Variants in SGCZ observed in about 807,000 individuals in gnomAD.
SGCZ encodes zeta-sarcoglycan.
SGCZ carries 40 observed loss-of-function variants against 41.3 expected under a neutral mutation model. That is an observed-to-expected ratio of 0.97 (90% confidence interval 0.75 to 1.26). The LOEUF is 1.26. Among genes scored for constraint, SGCZ ranks in the 50% most tolerant of loss-of-function variants. The pLI, the probability that SGCZ is intolerant of heterozygous loss-of-function variation, is 0.00. For missense variants in SGCZ, 552 were observed against 369.8 expected, an observed-to-expected ratio of 1.49 and a Z score of -4.04; for synonymous variants, 206 against 137.5, an observed-to-expected ratio of 1.50 and a Z score of -3.49.
chr8:14,575,362 A>G (rs1804675387), intron 1 of SGCZ, among the ~76,000 whole-genome samples: 1 of 152,230 alleles, frequency 6.6e-6, no homozygotes, highest in African/African-American at 2.4e-5. Flanking sequence ...GAATCCTTAA[A>G]AACTGGTTGT....
At chr8:14,614,042 C>A (rs1235062491) in intron 1 of SGCZ, among the ~76,000 whole-genome samples, 2 of 152,154 alleles carry the variant, frequency 1.3e-5, no homozygotes, top group East Asian at 3.9e-4. Context: ...TGAGTACAGG[C>A]CGCTCACACT....
chr8:14,294,115 G>A lies in SGCZ; in HGVS notation c.336+29988C>T, dbSNP rs1032745952. Among the ~76,000 whole-genome samples, 5 of 151,542 alleles carry A rather than the reference G, an allele frequency of 3.3e-5. No individual in the cohort carries two copies. In the East Asian group the frequency reaches 7.7e-4, roughly 23 times the overall value. ...AGTTATTACAACCACCAGACATTAC[G>A]CGTAATTTTGTGATATTGTAGAATT... On this transcript the variant is annotated intron_variant, in intron 3 of 7. Coordinates refer to ENST00000382080, the MANE Select transcript of SGCZ (RefSeq NM_139167.4).
At chr8:14,663,540 T>C (rs764224806) in intron 1 of SGCZ, among the ~76,000 whole-genome samples, 24 of 152,150 alleles carry the variant, frequency 1.6e-4, no homozygotes, top group Non-Finnish European at 3.2e-4. Context: ...TATCTGTAAA[T>C]GAAAATAATA....
At chr8:14,275,117 A>G (rs1270699961) in intron 3 of SGCZ, among the ~76,000 whole-genome samples, 1 of 152,202 alleles carries the variant, frequency 6.6e-6, no homozygotes, top group Non-Finnish European at 1.5e-5. Context: ...ACATGTGTCC[A>G]TAGTTATGCT....
At chr8:14,943,722 C>T (rs2130824111) in intron 1 of SGCZ, among the ~76,000 whole-genome samples, 1 of 152,246 alleles carries the variant, frequency 6.6e-6, no homozygotes, top group South Asian at 2.1e-4. Flanking sequence ...TAATCCTCTC[C>T]CATCTTCCAA....
At chr8:15,096,525 C>G (rs1806351906) in intron 1 of SGCZ, among the ~76,000 whole-genome samples, 1 of 152,078 alleles carries the variant, frequency 6.6e-6, no homozygotes. Flanking sequence ...AACGTATCAA[C>G]CATCCCTGGC....
At chr8:14,799,595 G>T (rs1801249488) in intron 1 of SGCZ, among the ~76,000 whole-genome samples, 1 of 152,084 alleles carries the variant, frequency 6.6e-6, no homozygotes, top group Non-Finnish European at 1.5e-5. Flanking sequence ...CTGTACTCAA[G>T]TTCCCCTTCT....
chr8:14,091,872 T>C (rs142257961), intron 7 of SGCZ, among the ~76,000 whole-genome samples: 7 of 152,056 alleles, frequency 4.6e-5, no homozygotes, highest in African/African-American at 1.7e-4. Flanking sequence ...GGTGTGTTAG[T>C]CATGAAGTCT....
At chr8:14,715,560 A>ACC (rs1554486604) in intron 1 of SGCZ, among the ~76,000 whole-genome samples, 45,522 of 151,272 alleles carry the variant, frequency 0.3, 7,327 homozygotes, top group East Asian at 0.41. Flanking sequence ...ACACACACAC[A>ACC]AACATGCACA....
At chr8:14,180,822 G>A (rs757689627) in intron 4 of SGCZ, among the ~76,000 whole-genome samples, 15 of 151,926 alleles carry the variant, frequency 9.9e-5, no homozygotes, top group Admixed American at 2.0e-4. Flanking sequence ...TCTGCCAAGT[G>A]GCGATGGCTA....
chr8:14,529,505 T>C (rs1158708678), intron 2 of SGCZ, among the ~76,000 whole-genome samples: 1 of 152,152 alleles, frequency 6.6e-6, no homozygotes, highest in Non-Finnish European at 1.5e-5. Flanking sequence ...TTCAATCAGC[T>C]TGGTAGTGAA....
chr8:14,903,144 T>C (rs1799022525), intron 1 of SGCZ, among the ~76,000 whole-genome samples: 1 of 152,134 alleles, frequency 6.6e-6, no homozygotes, highest in South Asian at 2.1e-4. Flanking sequence ...TCTAAAGTAC[T>C]ATATCATCTG....
chr8:14,438,908 T>G (rs986742204), intron 2 of SGCZ, among the ~76,000 whole-genome samples: 1 of 152,060 alleles, frequency 6.6e-6, no homozygotes, highest in Non-Finnish European at 1.5e-5. Context: ...TATAATGATC[T>G]TGTAAGAGAA....
At chr8:14,884,849 T>C (rs1804729471) in intron 1 of SGCZ, among the ~76,000 whole-genome samples, 1 of 152,088 alleles carries the variant, frequency 6.6e-6, no homozygotes, top group Non-Finnish European at 1.5e-5. Context: ...CTTTCAATCC[T>C]CCAGTCCTTC....
chr8:14,456,333 G>T (rs753653774), intron 2 of SGCZ, among the ~76,000 whole-genome samples: 27 of 152,086 alleles, frequency 1.8e-4, no homozygotes, highest in Non-Finnish European at 3.5e-4. Context: ...ACTTGAACCC[G>T]GGAGGCAGAG....
chr8:14,268,354 T>C (rs1799947484), intron 3 of SGCZ, among the ~76,000 whole-genome samples: 1 of 140,298 alleles, frequency 7.1e-6, no homozygotes, highest in African/African-American at 2.4e-5. Context: ...AAAATATATA[T>C]GTGTATATAT....
At chr8:14,160,376 ACT>A (rs775613353) in intron 5 of SGCZ, among the ~76,000 whole-genome samples, 1 of 152,142 alleles carries the variant, frequency 6.6e-6, no homozygotes, top group Non-Finnish European at 1.5e-5. Flanking sequence ...AATTTAAGAG[ACT>A]TCCGTGTGTA....
At chr8:14,715,104 C>A (rs1363215127) in intron 1 of SGCZ, among the ~76,000 whole-genome samples, 1 of 152,090 alleles carries the variant, frequency 6.6e-6, no homozygotes, top group African/African-American at 2.4e-5. Flanking sequence ...GAAAAGAACA[C>A]TTGTCTACGA....
At chr8:14,546,205 G>A (rs1384853773) in intron 2 of SGCZ, among the ~76,000 whole-genome samples, 1 of 152,140 alleles carries the variant, frequency 6.6e-6, no homozygotes, top group African/African-American at 2.4e-5. Context: ...CTCTGCTGCT[G>A]GTGCTCGCAG....
Sources: allele counts gnomAD v4.1 joint callset (sites outside exome capture counted in the v4.1 genomes callset), GRCh38; gene constraint gnomAD v4.1.1; transcripts MANE v1.5; gene names NCBI Gene and HGNC (gene_info 2026-07-23, HGNC 2026-07-21).